Variants in ERC2 observed in about 807,000 individuals in gnomAD.
The protein encoded by ERC2 is ERC protein 2.
A neutral mutation model predicts 114.8 loss-of-function variants in ERC2; 42 were observed. The ratio of observed to expected loss-of-function variants is 0.37; its 90% CI spans 0.29 to 0.47. The LOEUF (loss-of-function observed/expected upper bound fraction) is 0.47. Among genes scored for constraint, ERC2 ranks in the 20% least tolerant of loss-of-function variants. The pLI, the probability that ERC2 is intolerant of heterozygous loss-of-function variation, is 0.99. For synonymous variants in ERC2, 454 were observed against 425.5 expected, an observed-to-expected ratio of 1.07 and a Z score of -0.82; for missense variants, 939 against 1,150.7, an observed-to-expected ratio of 0.82 and a Z score of 2.66.
intron 2 of ERC2, among the ~76,000 whole-genome samples, chr3:56,433,608 A>G (rs2107357999): frequency 6.6e-6 from 1 of 152,346 alleles, no homozygotes; most frequent in South Asian, 2.1e-4. Flanking sequence ...AAGAAGGTAG[A>G]CTTTATTCTG....
intron 2 of ERC2, among the ~76,000 whole-genome samples, chr3:56,427,345 C>G (rs2061611898): frequency 1.3e-5 from 2 of 152,068 alleles, no homozygotes; most frequent in African/African-American, 4.8e-5. Flanking sequence ...CAGCTGGTCT[C>G]AAACTCCTGG....
At chr3:55,752,495 G>C (rs1054411811) in intron 14 of ERC2, among the ~76,000 whole-genome samples, 2 of 152,134 alleles carry the variant, frequency 1.3e-5, no homozygotes, top group Admixed American at 6.5e-5. Flanking sequence ...CAAGATAATT[G>C]AACAGTTTTG....
intron 14 of ERC2, among the ~76,000 whole-genome samples, chr3:55,880,058 C>G (rs2063047533): frequency 6.6e-6 from 1 of 152,162 alleles, no homozygotes; most frequent in Non-Finnish European, 1.5e-5. Context: ...TGAAATGACT[C>G]AGATGTCAAT....
At chr3:55,517,246 G>T (rs1056216903) in intron 17 of ERC2, among the ~76,000 whole-genome samples, 1 of 151,964 alleles carries the variant, frequency 6.6e-6, no homozygotes, top group Non-Finnish European at 1.5e-5. Flanking sequence ...TTCAAGACCA[G>T]CCTAGCCAAC....
At chr3:56,412,611 C>A (rs944444509) in intron 2 of ERC2, among the ~76,000 whole-genome samples, 1 of 152,288 alleles carries the variant, frequency 6.6e-6, no homozygotes, top group Non-Finnish European at 1.5e-5. Context: ...GAGACATAAT[C>A]ATGCAGTGTT....
rs567500381 is a variant in ERC2 at position 55,509,610 on chromosome 3, G to C, written c.*1706C>G. On this transcript the variant is annotated 3_prime_UTR_variant, in exon 18 of 18. Coordinates refer to ENST00000288221, the MANE Select transcript of ERC2 (RefSeq NM_015576.3). Reference sequence around the variant, plus strand: ...AAAGCCAGAAGCAAGAAACCTGCTTGAGTATCTTAACCGCGAATGCACCAA... The same window carrying C: ...AAAGCCAGAAGCAAGAAACCTGCTTCAGTATCTTAACCGCGAATGCACCAA... 2.3e-4 allele frequency: 35 copies of C among 152,712 alleles called. No individual in the cohort carries two copies. Among genetic ancestry groups the C allele is most frequent in the African/African-American group, 8.2e-4 (34 of 41,576 alleles). 9.5% of individuals were successfully genotyped at this position (152,712 alleles called of 1,614,324 possible).
intron 10 of ERC2, among the ~76,000 whole-genome samples, chr3:55,997,527 G>A (rs1293055486): frequency 1.4e-5 from 2 of 147,702 alleles, no homozygotes; most frequent in Non-Finnish European, 3.0e-5. Flanking sequence ...TATTATATAT[G>A]TTATATATAA....
chr3:56,189,977 T>C (rs2083887561), intron 3 of ERC2, among the ~76,000 whole-genome samples: 1 of 152,148 alleles, frequency 6.6e-6, no homozygotes, highest in Non-Finnish European at 1.5e-5. Flanking sequence ...CTGAGACAGG[T>C]GGCATTAGTG....
At chr3:55,526,995 G>A (rs2053363540) in intron 17 of ERC2, among the ~76,000 whole-genome samples, 1 of 152,262 alleles carries the variant, frequency 6.6e-6, no homozygotes, top group Non-Finnish European at 1.5e-5. Flanking sequence ...AGGAAGGGAT[G>A]TCCTGGCCAC....
chr3:55,829,813 CCA>C lies in ERC2; in HGVS notation c.2564+58574_2564+58575del, dbSNP rs370361004. Among the ~76,000 whole-genome samples, 498 of 152,254 alleles carry C rather than the reference CCA, an allele frequency of 3.3e-3. 3 individuals are homozygous for C. Among genetic ancestry groups the C allele is most frequent in the African/African-American group, 0.011 (472 of 41,546 alleles). On this transcript the variant is annotated intron_variant, in intron 14 of 17. Coordinates refer to ENST00000288221, the MANE Select transcript of ERC2 (RefSeq NM_015576.3). ...GTACTGAGATTACAGGTATAATACA[CCA>C]CACCTGCCCCAAAATATCGAACATT...
chr3:56,265,207 T>C lies in ERC2; in HGVS notation c.1074+30812A>G, dbSNP rs6793792. The stretch of plus-strand genomic sequence containing the variant: ...CACACTCCCTGACTTCAAATTATCC[T>C]ACAAAGCTACAGTAATCAAAACAGT... On this transcript the variant is annotated intron_variant, in intron 3 of 17. Coordinates refer to ENST00000288221, the MANE Select transcript of ERC2 (RefSeq NM_015576.3). Among the ~76,000 whole-genome samples, 1,391 of 152,198 alleles carry C rather than the reference T, an allele frequency of 9.1e-3. 17 individuals carry two copies. The highest frequency in any genetic ancestry group is 0.031 in the African/African-American group (1,275 of 41,516).
intron 16 of ERC2, among the ~76,000 whole-genome samples, chr3:55,692,127 G>A (rs1044447523): frequency 6.6e-6 from 1 of 152,176 alleles, no homozygotes; most frequent in African/African-American, 2.4e-5. Flanking sequence ...CCCCTTGCCT[G>A]TCTGTCAGAG....
rs544242433 is a variant in ERC2, at chr3:56,376,782, G to T, written c.657+57569C>A. ...TGTCTCAAAAAAAAAAAAAAATGAG[G>T]TGAAAGAAGAAAGTCCCTCTTTTGG... is the stretch of plus-strand genomic sequence containing the variant. On this transcript the variant is annotated intron_variant, in intron 2 of 17. Coordinates refer to ENST00000288221, the MANE Select transcript of ERC2 (RefSeq NM_015576.3). 1.5e-3 allele frequency among the ~76,000 whole-genome samples: 220 copies of T among 151,716 alleles called. 1 individual carries two copies. The highest frequency in any genetic ancestry group is 5.0e-3 in the African/African-American group (205 of 41,378).
chr3:55,997,884 T>G (rs112831317), intron 10 of ERC2, among the ~76,000 whole-genome samples: 11,559 of 26,902 alleles, frequency 0.43, 1,228 homozygotes, highest in South Asian at 0.5. Flanking sequence ...AATTCTGTTT[T>G]TTTTTTTTTT....
intron 17 of ERC2, among the ~76,000 whole-genome samples, chr3:55,541,737 G>C (rs989789552): frequency 6.6e-6 from 1 of 152,170 alleles, no homozygotes; most frequent in African/African-American, 2.4e-5. Context: ...ACACAAAATG[G>C]ATTGTCTAGA....
chr3:56,034,253 A>G (rs2074653519), intron 7 of ERC2, among the ~76,000 whole-genome samples: 1 of 152,150 alleles, frequency 6.6e-6, no homozygotes, highest in Non-Finnish European at 1.5e-5. Flanking sequence ...CATAATAATA[A>G]AAGGGTCATT....
At chr3:55,927,775 T>G (rs939462308) in intron 13 of ERC2, among the ~76,000 whole-genome samples, 4 of 152,174 alleles carry the variant, frequency 2.6e-5, no homozygotes, top group African/African-American at 9.7e-5. Context: ...CAGCCTCTGG[T>G]AACCATCCTT....
At chr3:56,289,921 C>T (rs934534637) in intron 3 of ERC2, among the ~76,000 whole-genome samples, 1 of 152,212 alleles carries the variant, frequency 6.6e-6, no homozygotes, top group Non-Finnish European at 1.5e-5. Context: ...ACTTACCTCA[C>T]TCTGCCTCTG....
intron 13 of ERC2, among the ~76,000 whole-genome samples, chr3:55,946,396 A>G (rs1170482762): frequency 6.6e-5 from 10 of 152,132 alleles, no homozygotes; most frequent in Non-Finnish European, 1.3e-4. Context: ...GGGAATTTCC[A>G]TTTACTGGTG....
Sources: allele counts gnomAD v4.1 joint callset (sites outside exome capture counted in the v4.1 genomes callset), GRCh38; gene constraint gnomAD v4.1.1; transcripts MANE v1.5; gene names NCBI Gene and HGNC (gene_info 2026-07-23, HGNC 2026-07-21).